Variants in SEMA3A observed in about 807,000 individuals in gnomAD.
The protein encoded by SEMA3A is semaphorin 3A.
SEMA3A carries 29 observed loss-of-function variants against 97.9 expected under a neutral mutation model. The observed-to-expected ratio is 0.30, with a 90% CI of 0.22 to 0.40. The LOEUF is 0.40. Among genes scored for constraint, SEMA3A ranks in the 10% least tolerant of loss-of-function variants. The pLI is 1.00. For synonymous variants in SEMA3A, 321 were observed against 323.7 expected, an observed-to-expected ratio of 0.99 and a Z score of 0.09; for missense variants, 763 against 951.3, an observed-to-expected ratio of 0.80 and a Z score of 2.60.
chr7:84,364,223 A>G lies in SEMA3A; in HGVS notation c.-169+7601T>C, dbSNP rs1402033429. On this transcript the variant is annotated intron_variant, in intron 2 of 3. Coordinates refer to the SEMA3A transcript ENST00000424555. ...TTAGGAACCTCAGTGATTTTTTAAG[A>G]ATGTAACTAGATTCTGAAATCAATA... 4.0e-5 allele frequency among the ~76,000 whole-genome samples: 6 copies of G among 151,754 alleles called. No homozygotes were observed. The Admixed American group carries it at 4.0e-4, about 10-fold the overall frequency.
At chr7:84,295,607 C>G (rs1016525919) in intron 3 of SEMA3A, among the ~76,000 whole-genome samples, 1 of 151,936 alleles carries the variant, frequency 6.6e-6, no homozygotes, top group Non-Finnish European at 1.5e-5. Flanking sequence ...ATAAATTATG[C>G]AGAACAACCT....
At chr7:84,014,181 C>T in intron 7 of SEMA3A, 28 bp downstream of exon 7, 1 of 1,579,152 alleles carries the variant, frequency 6.3e-7, no homozygotes, top group South Asian at 1.2e-5. Flanking sequence ...AAATGACATC[C>T]TTCTCAGTTT....
chr7:84,336,455 T>C (rs1443206415), intron 2 of SEMA3A, among the ~76,000 whole-genome samples: 1 of 152,018 alleles, frequency 6.6e-6, no homozygotes, highest in Non-Finnish European at 1.5e-5. Flanking sequence ...AGGCCTAAAA[T>C]AGAGTATATA....
intron 6 of SEMA3A, among the ~76,000 whole-genome samples, chr7:84,025,930 T>C (rs999907749): frequency 6.6e-6 from 1 of 152,334 alleles, no homozygotes; most frequent in Non-Finnish European, 1.5e-5. Context: ...TAATTTGCAA[T>C]ATGTCTCTAA....
At chr7:84,139,034 A>C (rs919321940) in intron 1 of SEMA3A, among the ~76,000 whole-genome samples, 3 of 152,058 alleles carry the variant, frequency 2.0e-5, no homozygotes, top group African/African-American at 4.8e-5. Flanking sequence ...CCAATATTAA[A>C]TAACTTTGAA....
chr7:84,204,861 A>G (rs189475309), intron 3 of SEMA3A, among the ~76,000 whole-genome samples: 15 of 152,282 alleles, frequency 9.9e-5, no homozygotes, highest in African/African-American at 3.4e-4. Context: ...GGCAGCTGCA[A>G]ATTGAAAGAG....
At chr7:83,972,271 A>T (rs1439187157) in intron 15 of SEMA3A, among the ~76,000 whole-genome samples, 1 of 151,998 alleles carries the variant, frequency 6.6e-6, no homozygotes, top group African/African-American at 2.4e-5. Flanking sequence ...AGCCACTTGA[A>T]TAGTTACATT....
chr7:84,246,836 A>G (rs1447738757), intron 3 of SEMA3A, among the ~76,000 whole-genome samples: 1 of 152,100 alleles, frequency 6.6e-6, no homozygotes, highest in Non-Finnish European at 1.5e-5. Context: ...GAGTCATCAG[A>G]ATGATTTATA....
chr7:84,032,935 A>G (rs1323713424), intron 6 of SEMA3A, among the ~76,000 whole-genome samples: 1 of 151,948 alleles, frequency 6.6e-6, no homozygotes, highest in Non-Finnish European at 1.5e-5. Flanking sequence ...GTAACATAAG[A>G]TGTATAATTT....
At chr7:84,256,736 G>A (rs1437307437) in intron 3 of SEMA3A, among the ~76,000 whole-genome samples, 1 of 152,004 alleles carries the variant, frequency 6.6e-6, no homozygotes, top group Non-Finnish European at 1.5e-5. Flanking sequence ...GACGACATAT[G>A]GTTAACATCC....
intron 1 of SEMA3A, among the ~76,000 whole-genome samples, chr7:84,160,005 A>C (rs1431269613): frequency 1.3e-5 from 2 of 152,182 alleles, no homozygotes; most frequent in Non-Finnish European, 2.9e-5. Context: ...AAACAGGCAA[A>C]AATACCATAA....
chr7:84,326,160 G>A (rs534860096), intron 2 of SEMA3A, among the ~76,000 whole-genome samples: 31 of 152,230 alleles, frequency 2.0e-4, no homozygotes, highest in African/African-American at 7.0e-4. Context: ...ACATGGTGGA[G>A]TATGGATTAT....
chr7:84,039,897 T>G (rs1792073477), intron 6 of SEMA3A, among the ~76,000 whole-genome samples: 1 of 151,994 alleles, frequency 6.6e-6, no homozygotes, highest in African/African-American at 2.4e-5. Flanking sequence ...TTTGTAAAAA[T>G]AAATATGAGA....
rs751871940 is a variant in SEMA3A at position 84,160,243 on chromosome 7, A to G, written c.113-25292T>C. Among the ~76,000 whole-genome samples the G allele has an allele frequency of 7.4e-4, 76 of 102,506 alleles. 1 individual carries two copies. The highest frequency in any genetic ancestry group is 1.3e-3 in the Non-Finnish European group (59 of 46,112). The allele number at this position is 102,506 out of a possible 152,430, so 67.2% of individuals were successfully genotyped here. On this transcript the variant is annotated intron_variant, in intron 1 of 16. Transcript: ENST00000265362. ...AATCTGTCTATCTATCTATCTATCTATCTATCTATCTATCTATCTATCTAT... is the reference window on the plus strand; with the variant it reads ...AATCTGTCTATCTATCTATCTATCTGTCTATCTATCTATCTATCTATCTAT...
At chr7:84,264,066 A>T (rs1799928840) in intron 3 of SEMA3A, among the ~76,000 whole-genome samples, 1 of 152,166 alleles carries the variant, frequency 6.6e-6, no homozygotes. Flanking sequence ...GACATTAATA[A>T]TTAACCCTCC....
intron 3 of SEMA3A, among the ~76,000 whole-genome samples, chr7:84,265,561 T>TA (rs1465202788): frequency 6.7e-6 from 1 of 148,208 alleles, no homozygotes; most frequent in East Asian, 1.9e-4. Context: ...ATATGTATTA[T>TA]ATATATATTT....
intron 3 of SEMA3A, among the ~76,000 whole-genome samples, chr7:84,118,181 A>G (rs1005366164): frequency 6.6e-6 from 1 of 152,224 alleles, no homozygotes; most frequent in Non-Finnish European, 1.5e-5. Context: ...CATTTCTGCT[A>G]CCAAGGGCAA....
intron 1 of SEMA3A, among the ~76,000 whole-genome samples, chr7:84,478,256 C>CA (rs1806353132): frequency 2.6e-5 from 4 of 152,066 alleles, no homozygotes; most frequent in Non-Finnish European, 5.9e-5. Flanking sequence ...GCAAGGTGTT[C>CA]TTTCTACCTC....
intron 1 of SEMA3A, among the ~76,000 whole-genome samples, chr7:84,403,349 A>T (rs1394107656): frequency 1.3e-5 from 2 of 152,138 alleles, no homozygotes; most frequent in Non-Finnish European, 2.9e-5. Flanking sequence ...AGGCTGGGGG[A>T]GGGGCACCTG....
Sources: allele counts gnomAD v4.1 joint callset (sites outside exome capture counted in the v4.1 genomes callset), GRCh38; gene constraint gnomAD v4.1.1; transcripts MANE v1.5; gene names NCBI Gene and HGNC (gene_info 2026-07-23, HGNC 2026-07-21).